Variants in ARHGEF17 observed in about 807,000 individuals in gnomAD.
The protein encoded by ARHGEF17 is 164 kDa Rho-specific guanine-nucleotide exchange factor.
ARHGEF17 carries 80 observed loss-of-function variants against 174.0 expected under a neutral mutation model. The ratio of observed to expected loss-of-function variants is 0.46; its 90% CI spans 0.38 to 0.55. The LOEUF is 0.55. Among genes scored for constraint, ARHGEF17 ranks in the 20% least tolerant of loss-of-function variants. The pLI, the probability that ARHGEF17 is intolerant of heterozygous loss-of-function variation, is 0.00. For missense variants in ARHGEF17, 2,886 were observed against 2,839.7 expected (o/e 1.02, Z -0.37); for synonymous variants, 1,311 against 1,189.1 (o/e 1.10, Z -2.11).
rs1864730464 is a variant in ARHGEF17, at chr11:73,308,579, C to T, written c.-60C>T. On this transcript the variant is annotated 5_prime_UTR_variant, in exon 1 of 21. Coordinates refer to ENST00000263674, the MANE Select transcript of ARHGEF17 (RefSeq NM_014786.4). ...CCGCTGCGCTCCTAGGGAGTGGGGG[C>T]GCAGGGGGGGTTGGCCGCGGCTGCC... The T allele has an allele frequency of 5.2e-6, 7 of 1,341,960 alleles. No individual in the cohort carries two copies. The highest frequency in any genetic ancestry group is 3.3e-5 in the South Asian group (2 of 60,272). 83.1% of individuals were successfully genotyped at this position (1,341,960 alleles called of 1,614,324 possible). A position where few individuals can be genotyped will look rare whatever the true frequency, so the allele number is the denominator to read the frequency against.
intron 20 of ARHGEF17, among the ~76,000 whole-genome samples, chr11:73,366,787 C>G (rs1865846750): frequency 6.6e-6 from 1 of 152,132 alleles, no homozygotes; most frequent in African/African-American, 2.4e-5. Flanking sequence ...CACCTGTAAT[C>G]CCAGCACTTT....
At chr11:73,318,722 G>A (rs975394173) in intron 1 of ARHGEF17, among the ~76,000 whole-genome samples, 1 of 152,216 alleles carries the variant, frequency 6.6e-6, no homozygotes, top group African/African-American at 2.4e-5. Context: ...AGGGTGAGAG[G>A]GGAGGGCAGA....
chr11:73,315,783 G>A (rs1470420722), intron 1 of ARHGEF17, among the ~76,000 whole-genome samples: 1 of 152,162 alleles, frequency 6.6e-6, no homozygotes, highest in East Asian at 1.9e-4. Flanking sequence ...CCTCCCCAGC[G>A]AGGAAGGGTT....
chr11:73,342,669 T>C (rs111882289), intron 1 of ARHGEF17, among the ~76,000 whole-genome samples: 12,255 of 152,042 alleles, frequency 0.081, 628 homozygotes, highest in Non-Finnish European at 0.11. Context: ...GGCTCCTCGG[T>C]GGGAAGCTGC....
chr11:73,360,087 C>A, intron 10 of ARHGEF17, 135 bp downstream of exon 10: 1 of 970,426 alleles, frequency 1.0e-6, no homozygotes, highest in Non-Finnish European at 1.5e-6. Flanking sequence ...AAATCGCAGC[C>A]TCCCTGCGTA....
rs1359153656 is a variant in ARHGEF17 at position 73,310,513 on chromosome 11, T to C, written c.1875T>C (p.Asp625=). ...APPGSPDWAG[D]VTRGQRSQEE... is the part of the protein sequence containing the mutation. Reference sequence around the variant, plus strand: ...CTGGAAGCCCTGACTGGGCAGGGGATGTGACCCGAGGGCAGCGGTCCCAGG... The same window carrying C: ...CTGGAAGCCCTGACTGGGCAGGGGACGTGACCCGAGGGCAGCGGTCCCAGG... The change falls in exon 1 of 21, where the codon GAT becomes GAC. Residue 625 remains aspartate (D), a synonymous_variant. Coordinates refer to ENST00000263674, the MANE Select transcript of ARHGEF17 (RefSeq NM_014786.4). 1 of 1,614,022 alleles carries C rather than the reference T, an allele frequency of 6.2e-7. No homozygotes were observed. Among genetic ancestry groups the C allele is most frequent in the Non-Finnish European group, 8.5e-7 (1 of 1,180,032 alleles).
chr11:73,341,721 A>G (rs1865372316), intron 1 of ARHGEF17, among the ~76,000 whole-genome samples: 1 of 152,256 alleles, frequency 6.6e-6, no homozygotes, highest in Non-Finnish European at 1.5e-5. Context: ...TTAAAACGGA[A>G]GTGGCTGGAG....
At chr11:73,335,299 C>T (rs1234008028) in intron 1 of ARHGEF17, among the ~76,000 whole-genome samples, 2 of 152,196 alleles carry the variant, frequency 1.3e-5, no homozygotes, top group Non-Finnish European at 2.9e-5. Context: ...GTTCTGGTTT[C>T]TCTGCCTGTA....
intron 1 of ARHGEF17, among the ~76,000 whole-genome samples, chr11:73,319,983 A>G (rs750835147): frequency 4.6e-5 from 7 of 151,888 alleles, no homozygotes; most frequent in Non-Finnish European, 1.0e-4. Flanking sequence ...ATCCAGGGCA[A>G]GGAGGGAAGG....
chr11:73,362,621 C>A lies in ARHGEF17; in HGVS notation c.4883C>A (p.Pro1628His). 1.2e-6 allele frequency: 2 copies of A among 1,611,444 alleles called. No individual in the cohort carries two copies. Among genetic ancestry groups the A allele is most frequent in the Non-Finnish European group, 1.7e-6 (2 of 1,179,996 alleles). Reference sequence around the variant, plus strand: ...ACGCCGGGCCTCGGCGAGGGTGACCCCCGCCCAGAGCTGGTGCCCTTTGAC... The same window carrying A: ...ACGCCGGGCCTCGGCGAGGGTGACCACCGCCCAGAGCTGGTGCCCTTTGAC... Reference protein sequence around the residue: ...EMTPGLGEGDPRPELVPFDSD... With the variant: ...EMTPGLGEGDHRPELVPFDSD... The change falls in exon 14 of 21, where the codon CCC becomes CAC. Residue 1628 changes from proline (P) to histidine (H), a missense_variant. Pro to His is a moderately conservative substitution (Grantham distance 77). This residue lies in a region of ARHGEF17 where 476 missense variants were observed against 473.1 expected (regional missense o/e 1.01). Transcript: ENST00000263674.
At chr11:73,317,856 A>C (rs901869011) in intron 1 of ARHGEF17, among the ~76,000 whole-genome samples, 1 of 152,172 alleles carries the variant, frequency 6.6e-6, no homozygotes, top group Non-Finnish European at 1.5e-5. Flanking sequence ...CCCCAACCAC[A>C]GTGCCTGAGC....
chr11:73,324,099 A>G (rs1293679987), intron 1 of ARHGEF17, among the ~76,000 whole-genome samples: 2 of 152,190 alleles, frequency 1.3e-5, no homozygotes, highest in Non-Finnish European at 2.9e-5. Context: ...ACGGCCGTGT[A>G]GGGCAGAGTC....
chr11:73,309,330 G>GCTT lies in ARHGEF17; in HGVS notation c.694_695insTCT (p.Cys231_Ser232insPhe). Reference sequence around the variant, plus strand: ...CCGCAGGCCGGGGCCCGGGCCTCCTGCTCCTCCTCCTCCATCGCCGCCTCC... The same window carrying GCTT: ...CCGCAGGCCGGGGCCCGGGCCTCCTGCTTCTCCTCCTCCTCCATCGCCGCCTCC... On this transcript the variant is annotated inframe_insertion, in exon 1 of 21. Transcript: ENST00000263674. The GCTT allele has an allele frequency of 6.2e-7, 1 of 1,607,686 alleles. No individual in the cohort carries two copies. The highest frequency in any genetic ancestry group is 8.5e-7 in the Non-Finnish European group (1 of 1,177,578).
At chr11:73,329,018 G>A (rs1241501189) in intron 1 of ARHGEF17, among the ~76,000 whole-genome samples, 1 of 152,036 alleles carries the variant, frequency 6.6e-6, no homozygotes, top group East Asian at 1.9e-4. Context: ...GGGCCTGATT[G>A]CAAGGTGAAT....
chr11:73,337,906 G>A (rs1029156368), intron 1 of ARHGEF17, among the ~76,000 whole-genome samples: 1 of 152,156 alleles, frequency 6.6e-6, no homozygotes, highest in Admixed American at 6.5e-5. Context: ...CACCCCAGGT[G>A]CATACACGCA....
intron 1 of ARHGEF17, among the ~76,000 whole-genome samples, chr11:73,345,023 A>T: frequency 6.6e-6 from 1 of 152,182 alleles, no homozygotes; most frequent in Non-Finnish European, 1.5e-5. Flanking sequence ...AAGCAAGACC[A>T]TGTCTGTGGG....
At chr11:73,342,721 G>A (rs1418619663) in intron 1 of ARHGEF17, among the ~76,000 whole-genome samples, 8 of 152,062 alleles carry the variant, frequency 5.3e-5, no homozygotes, top group Admixed American at 2.0e-4. Context: ...CGGACGGAAA[G>A]TACATGTCGG....
chr11:73,366,134 TGTGTGTGCGC>T (rs1311493181), intron 20 of ARHGEF17, among the ~76,000 whole-genome samples, 187 bp downstream of exon 20: 4 of 152,106 alleles, frequency 2.6e-5, no homozygotes, highest in Admixed American at 1.3e-4. Flanking sequence ...TGTGTGTGTG[TGTGTGTGCGC>T]ACCTGCATGT....
Position 73,361,924 on chromosome 11 carries a change from A to T in ARHGEF17, c.4495-116A>T, listed in dbSNP as rs1591761711. 7 of 665,652 alleles carry T rather than the reference A, an allele frequency of 1.1e-5. No homozygotes were observed. The Middle Eastern group carries it at 2.1e-3, about 199-fold the overall frequency. 41.2% of individuals were successfully genotyped at this position (665,652 alleles called of 1,614,324 possible). A position where few individuals can be genotyped will look rare whatever the true frequency, so the allele number is the denominator to read the frequency against. On this transcript the variant is annotated intron_variant, in intron 12 of 20. Coordinates refer to ENST00000263674, the MANE Select transcript of ARHGEF17 (RefSeq NM_014786.4). ...GTAGAAGGGTGTATAGGGCATCCAC[A>T]CACACACACCCATGCAGGCCTGCCT...
Sources: allele counts gnomAD v4.1 joint callset (sites outside exome capture counted in the v4.1 genomes callset), GRCh38; gene constraint gnomAD v4.1.1; regional missense constraint gnomAD v4.1.1; transcripts MANE v1.5; gene names NCBI Gene and HGNC (gene_info 2026-07-23, HGNC 2026-07-21).